SHANK2: variants seen among roughly 807,000 people sequenced by gnomAD.
The protein encoded by SHANK2 is SH3 and multiple ankyrin repeat domains 2.
Under a neutral mutation model 133.7 loss-of-function variants are expected in SHANK2, and 43 were observed. The ratio of observed to expected loss-of-function variants is 0.32; its 90% CI spans 0.25 to 0.41. The LOEUF is 0.41. SHANK2 is among the 10% of genes least tolerant of loss of function. The pLI is 1.00. For missense variants in SHANK2, 1,994 were observed against 2,235.8 expected (o/e 0.89, Z 2.18); for synonymous variants, 1,017 against 952.8 (o/e 1.07, Z -1.24).
chr11:71,110,021 A>T lies in SHANK2; in HGVS notation c.512T>A (p.Ile171Asn). 6.4e-7 allele frequency: 1 copy of T among 1,551,454 alleles called. No individual in the cohort carries two copies. Among genetic ancestry groups the T allele is most frequent in the Non-Finnish European group, 8.7e-7 (1 of 1,146,674 alleles). ...KTNLKKCMDH[I>N]QHRLVEKITK... ...GATCTTCTCCACCAAGCGATGCTGAATGTGATCCATGCATTTCTTCAGATT... is the reference window on the plus strand; with the variant it reads ...GATCTTCTCCACCAAGCGATGCTGATTGTGATCCATGCATTTCTTCAGATT... Residue 171 changes from isoleucine to asparagine, a missense_variant, in exon 6 of 26, where the codon ATT (isoleucine) becomes AAT (asparagine). Ile to Asn is a moderately radical substitution (Grantham distance 149, BLOSUM62 -3). This residue lies in a region of SHANK2 where 653 missense variants were observed against 563.4 expected (regional missense o/e 1.16). Transcript: ENST00000601538.
At chr11:70,938,975 G>A (rs1487006841) in intron 10 of SHANK2, among the ~76,000 whole-genome samples, 5 of 152,178 alleles carry the variant, frequency 3.3e-5, no homozygotes, top group African/African-American at 1.2e-4. Flanking sequence ...AGAGAAGCTG[G>A]TGGCTAATCC....
chr11:71,218,249 AATTTTC>A (rs1555120373), intron 2 of SHANK2, among the ~76,000 whole-genome samples: 1 of 144,068 alleles, frequency 6.9e-6, no homozygotes, highest in African/African-American at 2.5e-5. Context: ...AAATTCTTCT[AATTTTC>A]TTTTTCTTTT....
rs1189860651 is a variant in SHANK2 at position 71,099,419 on chromosome 11, G to C, written c.593-4731C>G. Among the ~76,000 whole-genome samples the C allele has an allele frequency of 2.0e-5, 3 of 152,196 alleles. No homozygotes were observed. In the East Asian group the frequency reaches 5.8e-4, roughly 29 times the overall value. ...GGGGGAAGCTGGGTATAGGATATAT[G>C]GTAACTCTGTGTACTATCTTTGCAC... On this transcript the variant is annotated intron_variant, in intron 6 of 25. Coordinates refer to ENST00000601538, the MANE Select transcript of SHANK2 (RefSeq NM_012309.5).
In SHANK2 at chr11:70,542,055, G is replaced by A. The variant is rs78436431; in HGVS notation, c.2062-39124C>T. Among the ~76,000 whole-genome samples the A allele has an allele frequency of 4.1e-4, 62 of 152,324 alleles. No homozygotes were observed. In the East Asian group the frequency reaches 0.012, roughly 29 times the overall value. ...GCCACTGAGTGCCCAGTAGTGCCTG[G>A]GCAAATGCTGAGTGGCTGCTGCATG... On this transcript the variant is annotated intron_variant, in intron 17 of 25. Coordinates refer to ENST00000601538, the MANE Select transcript of SHANK2 (RefSeq NM_012309.5).
At chr11:71,157,997 G>A (rs1166502285) in intron 2 of SHANK2, among the ~76,000 whole-genome samples, 1 of 152,150 alleles carries the variant, frequency 6.6e-6, no homozygotes, top group Non-Finnish European at 1.5e-5. Flanking sequence ...CGGACAGCCT[G>A]GGGGGACACA....
chr11:70,889,773 TCAGGAC>T (rs113835444), intron 11 of SHANK2, among the ~76,000 whole-genome samples: 1 of 152,020 alleles, frequency 6.6e-6, no homozygotes, highest in Non-Finnish European at 1.5e-5. Flanking sequence ...AAGATGACAG[TCAGGAC>T]CAGGACCAGG....
intron 12 of SHANK2, among the ~76,000 whole-genome samples, chr11:70,814,324 C>CA (rs57006336): frequency 0.17 from 22,245 of 130,312 alleles, 2,123 homozygotes; most frequent in South Asian, 0.3. Flanking sequence ...GACTCTGTCT[C>CA]AAAAAAAAAA....
At chr11:70,564,986 C>T (rs559965334) in intron 17 of SHANK2, among the ~76,000 whole-genome samples, 13 of 152,298 alleles carry the variant, frequency 8.5e-5, no homozygotes, top group Admixed American at 2.0e-4. Context: ...TTTAATGATT[C>T]TTTTAATATC....
chr11:70,641,199 C>T (rs886501211), intron 17 of SHANK2, among the ~76,000 whole-genome samples: 48 of 151,810 alleles, frequency 3.2e-4, no homozygotes, highest in African/African-American at 1.1e-3. Flanking sequence ...GGGTTCACAC[C>T]GTTCTCCTGC....
chr11:71,106,554 C>T (rs1232207310), intron 6 of SHANK2, among the ~76,000 whole-genome samples: 1 of 152,278 alleles, frequency 6.6e-6, no homozygotes, highest in African/African-American at 2.4e-5. Context: ...CATTTCTACT[C>T]AGCTCTGGGA....
intron 25 of SHANK2, among the ~76,000 whole-genome samples, chr11:70,478,827 T>G (rs1179551849): frequency 1.3e-5 from 2 of 152,202 alleles, no homozygotes; most frequent in African/African-American, 4.8e-5. Flanking sequence ...ATCAGAAAGT[T>G]AAGTGACTTG....
intron 12 of SHANK2, among the ~76,000 whole-genome samples, chr11:70,820,079 G>A (rs931285464): frequency 3.3e-5 from 5 of 152,108 alleles, no homozygotes; most frequent in Non-Finnish European, 7.4e-5. Flanking sequence ...GACCCGAGAG[G>A]CCAGCAGTAT....
chr11:70,732,705 G>A (rs1374426385), intron 14 of SHANK2, among the ~76,000 whole-genome samples: 1 of 152,206 alleles, frequency 6.6e-6, no homozygotes, highest in Non-Finnish European at 1.5e-5. Context: ...CGCAGCCCAT[G>A]CCCTTGCTTC....
chr11:71,086,807 C>T (rs1951425933), intron 8 of SHANK2, among the ~76,000 whole-genome samples: 1 of 152,160 alleles, frequency 6.6e-6, no homozygotes, highest in African/African-American at 2.4e-5. Flanking sequence ...AGGGCACCCG[C>T]ACCCATCCCT....
intron 14 of SHANK2, among the ~76,000 whole-genome samples, chr11:70,721,973 C>T (rs2440887): frequency 0.018 from 2,793 of 152,354 alleles, 30 homozygotes; most frequent in Non-Finnish European, 0.029. Flanking sequence ...CAGGGCCCGT[C>T]GAGGTGTGAG....
intron 1 of SHANK2, among the ~76,000 whole-genome samples, chr11:71,246,195 A>G (rs1426030670): frequency 6.6e-6 from 1 of 151,954 alleles, no homozygotes; most frequent in South Asian, 2.1e-4. Flanking sequence ...CCAGGTCTGG[A>G]AACCCAGGAT....
chr11:70,622,047 T>G (rs1370266430), intron 17 of SHANK2, among the ~76,000 whole-genome samples: 1 of 152,146 alleles, frequency 6.6e-6, no homozygotes, highest in Non-Finnish European at 1.5e-5. Flanking sequence ...TGGCCCACCT[T>G]GCTGGGCTGG....
intron 14 of SHANK2, among the ~76,000 whole-genome samples, chr11:70,765,804 A>C (rs1183611930): frequency 4.6e-5 from 7 of 152,038 alleles, no homozygotes; most frequent in Non-Finnish European, 4.4e-5. Context: ...ACATGAAATA[A>C]GTTTTGTTTT....
chr11:70,857,616 C>T (rs180940297), intron 11 of SHANK2, among the ~76,000 whole-genome samples: 8 of 152,152 alleles, frequency 5.3e-5, no homozygotes, highest in African/African-American at 1.2e-4. Context: ...AGTTGACATA[C>T]GGGTTCTGCT....
Sources: allele counts gnomAD v4.1 joint callset (sites outside exome capture counted in the v4.1 genomes callset), GRCh38; gene constraint gnomAD v4.1.1; regional missense constraint gnomAD v4.1.1; transcripts MANE v1.5; gene names NCBI Gene and HGNC (gene_info 2026-07-23, HGNC 2026-07-21).